Variants in GRID2 observed in about 807,000 individuals in gnomAD.
The protein encoded by GRID2 is glutamate ionotropic receptor delta type subunit 2.
Under a neutral mutation model 114.8 loss-of-function variants are expected in GRID2, and 33 were observed. That is an observed-to-expected ratio of 0.29 (90% confidence interval 0.22 to 0.38). The LOEUF is 0.38. Among genes scored for constraint, GRID2 ranks in the 10% least tolerant of loss-of-function variants. The pLI, the probability that GRID2 is intolerant of heterozygous loss-of-function variation, is 1.00. For synonymous variants in GRID2, 505 were observed against 449.9 expected, an observed-to-expected ratio of 1.12 and a Z score of -1.55; for missense variants, 1,184 against 1,257.7, an observed-to-expected ratio of 0.94 and a Z score of 0.89.
chr4:92,501,522 C>A lies in GRID2; in HGVS notation c.89-88609C>A, dbSNP rs116325666. ...TGTGTAGTCTTCTCCAAGAGAAATG[C>A]TTACAAGGTAAAGCACAATGCCACA... On this transcript the variant is annotated intron_variant, in intron 1 of 15. Coordinates refer to ENST00000282020, the MANE Select transcript of GRID2 (RefSeq NM_001510.4). Among the ~76,000 whole-genome samples, 479 of 152,224 alleles carry A rather than the reference C, an allele frequency of 3.1e-3. 5 individuals carry two copies. The highest frequency in any genetic ancestry group is 0.011 in the African/African-American group (459 of 41,540).
At chr4:92,342,725 T>A (rs1168215121) in intron 1 of GRID2, among the ~76,000 whole-genome samples, 3 of 152,232 alleles carry the variant, frequency 2.0e-5, no homozygotes, top group African/African-American at 7.2e-5. Flanking sequence ...ATATTGATTG[T>A]CACTGTGAAG....
At chr4:92,344,224 A>G (rs1727653440) in intron 1 of GRID2, among the ~76,000 whole-genome samples, 2 of 152,270 alleles carry the variant, frequency 1.3e-5, no homozygotes, top group South Asian at 2.1e-4. Context: ...TAGGCATGCC[A>G]TCTGGGTTTC....
intron 2 of GRID2, among the ~76,000 whole-genome samples, chr4:92,828,981 G>A (rs1741918405): frequency 6.6e-6 from 1 of 152,044 alleles, no homozygotes; most frequent in African/African-American, 2.4e-5. Context: ...TCACTCTGAT[G>A]ATAGTTTCTT....
At chr4:93,026,518 T>C (rs1723898071) in intron 2 of GRID2, among the ~76,000 whole-genome samples, 2 of 151,970 alleles carry the variant, frequency 1.3e-5, no homozygotes, top group Admixed American at 1.3e-4. Flanking sequence ...ATGTATACTT[T>C]AATGCTTGAA....
intron 8 of GRID2, among the ~76,000 whole-genome samples, chr4:93,343,695 T>C (rs767767892): frequency 6.6e-5 from 10 of 152,096 alleles, no homozygotes; most frequent in Non-Finnish European, 1.5e-4. Flanking sequence ...TTTAAATGTT[T>C]GGTAGATTTG....
chr4:93,269,287 G>A (rs1751175797), intron 8 of GRID2, among the ~76,000 whole-genome samples: 1 of 151,820 alleles, frequency 6.6e-6, no homozygotes, highest in Admixed American at 6.5e-5. Flanking sequence ...TCTAGAAATA[G>A]GATCAGGCAT....
intron 2 of GRID2, among the ~76,000 whole-genome samples, chr4:92,805,278 C>T (rs550580687): frequency 2.0e-5 from 3 of 151,924 alleles, no homozygotes; most frequent in Non-Finnish European, 4.4e-5. Context: ...CTCATTTATA[C>T]AGTTATTTTA....
chr4:93,284,332 A>G (rs2149132342), intron 8 of GRID2, among the ~76,000 whole-genome samples: 1 of 152,174 alleles, frequency 6.6e-6, no homozygotes, highest in East Asian at 1.9e-4. Context: ...AGAGGGGATC[A>G]ACACACATTG....
chr4:92,851,755 C>T (rs1743816830), intron 2 of GRID2, among the ~76,000 whole-genome samples: 1 of 151,874 alleles, frequency 6.6e-6, no homozygotes, highest in African/African-American at 2.4e-5. Flanking sequence ...TATTATAGGT[C>T]ATAGGAGTAC....
At chr4:93,616,797 C>A (rs1217714642) in intron 13 of GRID2, among the ~76,000 whole-genome samples, 2 of 151,448 alleles carry the variant, frequency 1.3e-5, no homozygotes, top group African/African-American at 2.4e-5. Flanking sequence ...TCGAGACCAT[C>A]CTGGCTAACA....
rs1579153815 is a variant in GRID2, at chr4:92,307,806, C to T, written c.88+3062C>T. Among the ~76,000 whole-genome samples, 4 of 152,280 alleles carry T rather than the reference C, an allele frequency of 2.6e-5. No individual in the cohort carries two copies. The South Asian group carries it at 8.3e-4, about 32-fold the overall frequency. ...CCATATAGTATTTAAAAATGAATCACTTCCATTGTGATCTTCTTTGCCCCA... is the reference window on the plus strand; with the variant it reads ...CCATATAGTATTTAAAAATGAATCATTTCCATTGTGATCTTCTTTGCCCCA... On this transcript the variant is annotated intron_variant, in intron 1 of 15. Transcript: ENST00000282020.
intron 1 of GRID2, among the ~76,000 whole-genome samples, chr4:92,410,360 T>C (rs1244640145): frequency 6.6e-6 from 1 of 152,226 alleles, no homozygotes; most frequent in Non-Finnish European, 1.5e-5. Flanking sequence ...CTAAGAACTA[T>C]ATTTTGAACT....
chr4:92,847,965 T>A (rs951371264), intron 2 of GRID2, among the ~76,000 whole-genome samples: 3 of 152,058 alleles, frequency 2.0e-5, no homozygotes, highest in Non-Finnish European at 2.9e-5. Context: ...AGAAAGGATT[T>A]TCTTATCTCC....
chr4:93,165,594 C>T (rs781731786), intron 4 of GRID2, among the ~76,000 whole-genome samples: 13 of 152,074 alleles, frequency 8.5e-5, no homozygotes, highest in Non-Finnish European at 1.6e-4. Flanking sequence ...AAAAGAGCTT[C>T]CCTAAGAGCA....
intron 8 of GRID2, among the ~76,000 whole-genome samples, chr4:93,250,325 TC>T (rs1748723655): frequency 1.3e-5 from 2 of 151,850 alleles, no homozygotes; most frequent in Non-Finnish European, 1.5e-5. Context: ...GAGGGGAACA[TC>T]ACACACTGGG....
chr4:92,745,932 G>C (rs1737130034), intron 2 of GRID2, among the ~76,000 whole-genome samples: 1 of 152,090 alleles, frequency 6.6e-6, no homozygotes, highest in Non-Finnish European at 1.5e-5. Context: ...AAATCATCGG[G>C]TTTCTTTCTT....
intron 2 of GRID2, among the ~76,000 whole-genome samples, chr4:92,961,012 T>A (rs1752760234): frequency 6.6e-6 from 1 of 151,950 alleles, no homozygotes; most frequent in South Asian, 2.1e-4. Flanking sequence ...CTATGCTGCT[T>A]CATAGGTAGT....
chr4:92,407,220 C>A (rs968708768), intron 1 of GRID2, among the ~76,000 whole-genome samples: 1 of 152,068 alleles, frequency 6.6e-6, no homozygotes, highest in Non-Finnish European at 1.5e-5. Flanking sequence ...TTCCTCAACA[C>A]CTGGGGATTA....
intron 4 of GRID2, among the ~76,000 whole-genome samples, chr4:93,169,187 C>A (rs1187067950): frequency 7.1e-6 from 1 of 139,944 alleles, no homozygotes; most frequent in Non-Finnish European, 1.6e-5. Flanking sequence ...CACACACAAA[C>A]TTAAAATAGG....
Sources: allele counts gnomAD v4.1 joint callset (sites outside exome capture counted in the v4.1 genomes callset), GRCh38; gene constraint gnomAD v4.1.1; transcripts MANE v1.5; gene names NCBI Gene and HGNC (gene_info 2026-07-23, HGNC 2026-07-21).